Variants in FER observed in about 807,000 individuals in gnomAD.
FER encodes the protein FER tyrosine kinase.
A neutral mutation model predicts 111.0 loss-of-function variants in FER; 63 were observed. That is an observed-to-expected ratio of 0.57 (90% CI 0.46 to 0.70). FER has a LOEUF of 0.70. Among genes scored for constraint, FER ranks in the 30% least tolerant of loss-of-function variants. The pLI is 0.00. For synonymous variants in FER, 327 were observed against 313.9 expected, an observed-to-expected ratio of 1.04 and a Z score of -0.44; for missense variants, 914 against 954.0, an observed-to-expected ratio of 0.96 and a Z score of 0.55.
intron 3 of FER, chr5:108,820,495 A>C (rs1227440046): frequency 3.0e-6 from 3 of 985,326 alleles, no homozygotes. Flanking sequence ...AGGAGCACCA[A>C]GAAGCTGGAA....
chr5:108,893,592 C>A (rs969491363), intron 9 of FER, among the ~76,000 whole-genome samples: 4 of 152,010 alleles, frequency 2.6e-5, no homozygotes, highest in African/African-American at 9.7e-5. Flanking sequence ...CACATGGAAA[C>A]AACAACAATA....
At chr5:108,863,333 C>G (rs1191911405) in intron 5 of FER, among the ~76,000 whole-genome samples, 2 of 152,150 alleles carry the variant, frequency 1.3e-5, no homozygotes, top group African/African-American at 4.8e-5. Flanking sequence ...GTTGGCCAGG[C>G]TGGCCTCGAA....
intron 13 of FER, among the ~76,000 whole-genome samples, chr5:109,005,465 A>G (rs1166956316): frequency 1.3e-5 from 2 of 152,154 alleles, no homozygotes; most frequent in Non-Finnish European, 2.9e-5. Flanking sequence ...TTATATTTAC[A>G]TGAGTTGTGA....
chr5:109,038,169 A>T (rs547829386), intron 14 of FER, among the ~76,000 whole-genome samples: 2 of 151,940 alleles, frequency 1.3e-5, no homozygotes, highest in Non-Finnish European at 2.9e-5. Context: ...AAATTTATTA[A>T]TAACTTTTAT....
At chr5:109,058,044 A>G (rs932009137) in intron 16 of FER, among the ~76,000 whole-genome samples, 3 of 152,204 alleles carry the variant, frequency 2.0e-5, no homozygotes, top group East Asian at 1.9e-4. Flanking sequence ...TTATCCCAGG[A>G]CTGAAAGCTG....
At chr5:108,883,310 C>T in intron 8 of FER, 86 bp from the exon 9 acceptor site, 4 of 1,291,584 alleles carry the variant, frequency 3.1e-6, no homozygotes, top group South Asian at 1.9e-5. Flanking sequence ...TTGGACATTG[C>T]AACATAAGAT....
intron 1 of FER, among the ~76,000 whole-genome samples, chr5:108,766,875 C>T (rs1393836709): frequency 1.3e-5 from 2 of 152,094 alleles, no homozygotes; most frequent in Non-Finnish European, 2.9e-5. Context: ...TGTAACAGGG[C>T]TGTAAACTAC....
chr5:108,903,084 C>T (rs1246105632), intron 10 of FER, among the ~76,000 whole-genome samples: 2 of 152,024 alleles, frequency 1.3e-5, no homozygotes, highest in Non-Finnish European at 2.9e-5. Context: ...TTGGACCAAA[C>T]ATATAATAAT....
chr5:109,061,686 G>C (rs999508986), intron 16 of FER, among the ~76,000 whole-genome samples: 1 of 152,098 alleles, frequency 6.6e-6, no homozygotes, highest in East Asian at 1.9e-4. Flanking sequence ...TAAATAGCTC[G>C]TTTCAGTAAA....
intron 17 of FER, among the ~76,000 whole-genome samples, chr5:109,148,082 G>A (rs1056880609): frequency 6.6e-6 from 1 of 151,770 alleles, no homozygotes; most frequent in Non-Finnish European, 1.5e-5. Context: ...TGTAGTAGGG[G>A]CATCTGTCTT....
rs1020982023 is a variant in FER, at chr5:109,189,076, G to GCTGA, written c.*1503_*1506dup. The GCTGA allele has an allele frequency of 3.3e-5, 5 of 152,118 alleles. No homozygotes were observed. In the East Asian group the frequency reaches 5.8e-4, roughly 18 times the overall value. 9.4% of individuals were successfully genotyped at this position (152,118 alleles called of 1,614,324 possible). ...TGCCCCCTGGACATTCTTACCATTA[G>GCTGA]CTGACAGGTATGCAAGCAGAGTGCT... is the stretch of plus-strand genomic sequence containing the variant. On this transcript the variant is annotated 3_prime_UTR_variant, in exon 20 of 20. Coordinates refer to ENST00000281092, the MANE Select transcript of FER (RefSeq NM_005246.4).
chr5:108,895,212 A>C (rs1581097526), intron 9 of FER, among the ~76,000 whole-genome samples: 1 of 152,298 alleles, frequency 6.6e-6, no homozygotes, highest in East Asian at 1.9e-4. Context: ...TATGACTTGA[A>C]ATCGTTTTTT....
At chr5:109,089,886 T>C (rs1346590504) in intron 16 of FER, among the ~76,000 whole-genome samples, 2 of 152,156 alleles carry the variant, frequency 1.3e-5, no homozygotes, top group East Asian at 1.9e-4. Context: ...CCTGAATCCA[T>C]TGAAAACAAG....
intron 14 of FER, among the ~76,000 whole-genome samples, chr5:109,040,395 A>G (rs540577800): frequency 1.1e-4 from 16 of 152,256 alleles, no homozygotes; most frequent in Admixed American, 3.3e-4. Flanking sequence ...TGAAAAGAGC[A>G]GCCAAGTAGG....
At chr5:109,025,062 C>A (rs1768500425) in intron 13 of FER, among the ~76,000 whole-genome samples, 1 of 152,032 alleles carries the variant, frequency 6.6e-6, no homozygotes, top group African/African-American at 2.4e-5. Context: ...GTGATGCCTC[C>A]AGCTTTGTTC....
chr5:109,186,446 G>A, intron 19 of FER, 124 bp downstream of exon 19: 1 of 1,416,898 alleles, frequency 7.1e-7, no homozygotes, highest in Non-Finnish European at 9.7e-7. Context: ...GACCATCTCT[G>A]GGGTTCAGAA....
At chr5:108,985,937 C>G (rs994037360) in intron 13 of FER, among the ~76,000 whole-genome samples, 4 of 152,116 alleles carry the variant, frequency 2.6e-5, no homozygotes, top group Non-Finnish European at 5.9e-5. Context: ...ACTTCTTTTC[C>G]TCTGGATAGA....
At chr5:108,771,340 G>A (rs1038971127) in intron 2 of FER, among the ~76,000 whole-genome samples, 7 of 152,150 alleles carry the variant, frequency 4.6e-5, no homozygotes, top group Non-Finnish European at 7.3e-5. Context: ...TCCTTAAACA[G>A]TTCTATTTTT....
chr5:109,058,610 C>T (rs1773941471), intron 16 of FER, among the ~76,000 whole-genome samples: 1 of 149,954 alleles, frequency 6.7e-6, no homozygotes, highest in Non-Finnish European at 1.5e-5. Flanking sequence ...ATCCTCTAGT[C>T]TTATACAAGT....
Sources: allele counts gnomAD v4.1 joint callset (sites outside exome capture counted in the v4.1 genomes callset), GRCh38; gene constraint gnomAD v4.1.1; transcripts MANE v1.5; gene names NCBI Gene and HGNC (gene_info 2026-07-23, HGNC 2026-07-21).